EXOC1: variants seen among roughly 807,000 people sequenced by gnomAD.
EXOC1 encodes the protein SEC3-like 1.
EXOC1 carries 67 observed loss-of-function variants against 107.7 expected under a neutral mutation model. The observed-to-expected ratio is 0.62, with a 90% CI of 0.51 to 0.76. EXOC1 has a LOEUF of 0.76. Among genes scored for constraint, EXOC1 ranks in the 30% least tolerant of loss-of-function variants. The pLI is 0.00. For missense variants in EXOC1, 833 were observed against 1,055.7 expected, an observed-to-expected ratio of 0.79 and a Z score of 2.92; for synonymous variants, 348 against 353.5, an observed-to-expected ratio of 0.98 and a Z score of 0.17.
intron 8 of EXOC1, chr4:55,875,716 G>A (rs1313392651): frequency 1.0e-6 from 1 of 985,288 alleles, no homozygotes; most frequent in African/African-American, 1.7e-5. Flanking sequence ...GTAAACATTT[G>A]TATGATATAA....
chr4:55,856,582 CATG>C (rs61135740), intron 1 of EXOC1, among the ~76,000 whole-genome samples: 21,088 of 152,132 alleles, frequency 0.14, 1,820 homozygotes, highest in East Asian at 0.48. Context: ...ATTTAAAAAT[CATG>C]ATTTCTTCAT....
At chr4:55,872,017 T>G in intron 8 of EXOC1, 59 bp downstream of exon 8, 1 of 1,413,390 alleles carries the variant, frequency 7.1e-7, no homozygotes, top group East Asian at 2.3e-5. Context: ...TGTATTAACC[T>G]TACATTTCCA....
At position 55,870,683 on chromosome 4, in the gene EXOC1, C is replaced by T. The variant is rs775458425; in HGVS notation, c.609C>T (p.Asn203=). Residue 203 remains asparagine (N), a synonymous_variant, in exon 6 of 19, where the codon AAC becomes AAT. Coordinates refer to ENST00000381295, the MANE Select transcript of EXOC1 (RefSeq NM_001024924.2). ...TTTGGTCTTTAACTTTGTAGGCTAACATCCAGTCAATCATGGCATCTGAAA... is the reference window on the plus strand; with the variant it reads ...TTTGGTCTTTAACTTTGTAGGCTAATATCCAGTCAATCATGGCATCTGAAA... The part of the protein sequence containing the change: ...SRELQVLDGA[N]IQSIMASEKQ... 3 of 1,612,948 alleles carry T rather than the reference C, an allele frequency of 1.9e-6. No homozygotes were observed. The highest frequency in any genetic ancestry group is 2.5e-6 in the Non-Finnish European group (3 of 1,179,304).
chr4:55,880,844 G>A (rs186851012), intron 9 of EXOC1, among the ~76,000 whole-genome samples: 20 of 152,106 alleles, frequency 1.3e-4, no homozygotes, highest in African/African-American at 1.9e-4. Flanking sequence ...GGAATGTTGC[G>A]TCATCCTGTG....
chr4:55,888,774 C>A (rs1724176271), intron 10 of EXOC1, 114 bp from the exon 11 acceptor site: 3 of 1,014,520 alleles, frequency 3.0e-6, no homozygotes, highest in South Asian at 2.9e-5. Flanking sequence ...GCTCATGGTT[C>A]TTTGCATGTG....
chr4:55,878,197 T>C (rs1273719398), intron 9 of EXOC1, 131 bp downstream of exon 9: 3 of 980,884 alleles, frequency 3.1e-6, no homozygotes, highest in East Asian at 2.6e-5. Context: ...GAGTCAGTGC[T>C]CTTTACCAGT....
intron 12 of EXOC1, 68 bp from the exon 13 acceptor site, chr4:55,891,247 A>G (rs1363309657): frequency 1.1e-6 from 1 of 936,590 alleles, no homozygotes; most frequent in Non-Finnish European, 1.7e-6. Context: ...AAGAAAATTA[A>G]ATGTGGAGTG....
rs762433095 is a variant in EXOC1, at chr4:55,870,903, G to A, written c.829G>A (p.Val277Met). The change falls in exon 6 of 19, where the codon GTG becomes ATG. Residue 277 changes from valine (V) to methionine (M), a missense_variant and splice_region_variant. Physicochemically the swap from Val to Met is conservative, Grantham distance 21 (BLOSUM62 1). This residue lies in a region of EXOC1 where 617 missense variants were observed against 701.3 expected (regional missense o/e 0.88). Coordinates refer to ENST00000381295, the MANE Select transcript of EXOC1 (RefSeq NM_001024924.2). ...ACTCCTATCTGAGATAGAGTTCCTT[G>A]TGGTAAGTATGATCATAAATTACCA... is the stretch of plus-strand genomic sequence containing the variant. ...VKLLSEIEFL[V>M]NHMDLAKGHI... 8 of 1,609,796 alleles carry A rather than the reference G, an allele frequency of 5.0e-6. No individual in the cohort carries two copies. The highest frequency in any genetic ancestry group is 6.8e-6 in the Non-Finnish European group (8 of 1,177,740).
At chr4:55,879,336 C>T (rs1029996917) in intron 9 of EXOC1, among the ~76,000 whole-genome samples, 61 of 152,076 alleles carry the variant, frequency 4.0e-4, no homozygotes, top group African/African-American at 1.4e-3. Flanking sequence ...GGGAGAAGGG[C>T]GTGGGATAAG....
intron 9 of EXOC1, 62 bp from the exon 10 acceptor site, chr4:55,883,761 G>A (rs1723620904): frequency 3.8e-6 from 4 of 1,063,232 alleles, no homozygotes; most frequent in Admixed American, 3.3e-5. Context: ...TTGGGGAATT[G>A]AAAAATTGAA....
intron 3 of EXOC1, among the ~76,000 whole-genome samples, chr4:55,862,924 A>G (rs1367708989): frequency 6.6e-6 from 1 of 152,134 alleles, no homozygotes; most frequent in African/African-American, 2.4e-5. Flanking sequence ...GTTTTGAGAC[A>G]GGGTCTCACT....
chr4:55,895,448 A>G (rs1725089812), intron 15 of EXOC1, among the ~76,000 whole-genome samples: 1 of 152,222 alleles, frequency 6.6e-6, no homozygotes, highest in Admixed American at 6.5e-5. Context: ...TTCACCTCAC[A>G]GTTACCAATA....
At chr4:55,897,534 A>G (rs912393091) in intron 16 of EXOC1, among the ~76,000 whole-genome samples, 2 of 152,174 alleles carry the variant, frequency 1.3e-5, no homozygotes, top group Admixed American at 6.5e-5. Context: ...AGATCCCACA[A>G]TTAAGTTACA....
chr4:55,874,637 A>C (rs1408658982), intron 8 of EXOC1, among the ~76,000 whole-genome samples: 2 of 152,146 alleles, frequency 1.3e-5, no homozygotes, highest in East Asian at 1.9e-4. Flanking sequence ...TGAAACTTGA[A>C]GTGTATTTTA....
At chr4:55,864,962 C>T (rs1383048042) in intron 4 of EXOC1, among the ~76,000 whole-genome samples, 1 of 152,186 alleles carries the variant, frequency 6.6e-6, no homozygotes, top group Non-Finnish European at 1.5e-5. Context: ...GGCTTTGCCA[C>T]TAACTAGCTA....
chr4:55,877,315 G>T, intron 8 of EXOC1: 1 of 985,360 alleles, frequency 1.0e-6, no homozygotes, highest in Non-Finnish European at 1.2e-6. Context: ...AAATTAGATT[G>T]AGTGAAAATT....
At chr4:55,877,896 T>C (rs1283672003) in intron 8 of EXOC1, 21 bp from the exon 9 acceptor site, 3 of 1,611,820 alleles carry the variant, frequency 1.9e-6, no homozygotes, top group African/African-American at 2.7e-5. Flanking sequence ...TACATTTATT[T>C]ACTTATTTTA....
chr4:55,864,057 T>A (rs575049283), intron 3 of EXOC1, among the ~76,000 whole-genome samples, 170 bp from the exon 4 acceptor site: 10 of 152,344 alleles, frequency 6.6e-5, no homozygotes, highest in South Asian at 4.1e-4. Flanking sequence ...TTTGGGGTGG[T>A]AAACTTTTTG....
intron 3 of EXOC1, among the ~76,000 whole-genome samples, chr4:55,863,956 G>A (rs182422360): frequency 6.6e-6 from 1 of 152,170 alleles, no homozygotes; most frequent in African/African-American, 2.4e-5. Context: ...AAGCCACAAA[G>A]CCATTAATGC....
Sources: allele counts gnomAD v4.1 joint callset (sites outside exome capture counted in the v4.1 genomes callset), GRCh38; gene constraint gnomAD v4.1.1; regional missense constraint gnomAD v4.1.1; transcripts MANE v1.5; gene names NCBI Gene and HGNC (gene_info 2026-07-23, HGNC 2026-07-21).